The following PTPN3 variants were observed in gnomAD, a reference collection of about 807,000 sequenced individuals.
PTPN3 encodes the protein tyrosine-protein phosphatase non-receptor type 3.
A neutral mutation model predicts 132.7 loss-of-function variants in PTPN3; 96 were observed. That is an observed-to-expected ratio of 0.72 (90% CI 0.61 to 0.86). PTPN3 has a LOEUF of 0.86. Among genes scored for constraint, PTPN3 ranks in the 40% least tolerant of loss-of-function variants. The pLI is 0.00. For synonymous variants in PTPN3, 398 were observed against 429.0 expected, an observed-to-expected ratio of 0.93 and a Z score of 0.89; for missense variants, 1,125 against 1,159.6, an observed-to-expected ratio of 0.97 and a Z score of 0.43.
intron 1 of PTPN3, among the ~76,000 whole-genome samples, chr9:109,472,436 T>C (rs561633309): frequency 8.5e-4 from 130 of 152,374 alleles, no homozygotes; most frequent in African/African-American, 3.0e-3. Flanking sequence ...ATTTAATATT[T>C]TCTGTTTTCA....
chr9:109,381,608 G>C (rs1165239801), intron 25 of PTPN3, 44 bp downstream of exon 25: 1 of 1,608,022 alleles, frequency 6.2e-7, no homozygotes, highest in African/African-American at 1.3e-5. Flanking sequence ...TGGTGTAAGT[G>C]CTCAGAAAGT....
Position 109,389,228 on chromosome 9 carries a change from C to T in PTPN3, c.2253+5G>A. The T allele has an allele frequency of 2.5e-6, 4 of 1,613,922 alleles. No homozygotes were observed. Among genetic ancestry groups the T allele is most frequent in the Non-Finnish European group, 3.4e-6 (4 of 1,179,934 alleles). On this transcript the variant is annotated splice_donor_5th_base_variant and intron_variant, in intron 22 of 25. Transcript: ENST00000374541. ...CACATCTGAATTAGAAATCAAGCTACTTACCCGCCCTCGTTCTGTGAGAGT... is the reference window on the plus strand; with the variant it reads ...CACATCTGAATTAGAAATCAAGCTATTTACCCGCCCTCGTTCTGTGAGAGT...
chr9:109,411,953 T>C (rs1352556435), intron 14 of PTPN3, among the ~76,000 whole-genome samples: 2 of 152,188 alleles, frequency 1.3e-5, no homozygotes, highest in Admixed American at 1.3e-4. Flanking sequence ...TATTTTGGAA[T>C]TGAAGTTGTA....
intron 14 of PTPN3, among the ~76,000 whole-genome samples, chr9:109,416,922 G>GT (rs973264859): frequency 5.3e-5 from 8 of 152,168 alleles, no homozygotes; most frequent in Non-Finnish European, 1.0e-4. Flanking sequence ...CAACCAGAAA[G>GT]TTTTTCTAAT....
At chr9:109,503,554 C>A in the PTPN3 span, among the ~76,000 whole-genome samples, 1 of 151,866 alleles carries the variant, frequency 6.6e-6, no homozygotes, top group African/African-American at 2.4e-5. Flanking sequence ...AAAAAAAATA[C>A]AAAAATTAGC....
At chr9:109,431,478 T>C (rs968377450) in intron 10 of PTPN3, among the ~76,000 whole-genome samples, 6 of 152,196 alleles carry the variant, frequency 3.9e-5, no homozygotes, top group Non-Finnish European at 7.3e-5. Flanking sequence ...ATCTTAGTCC[T>C]GAGTGGGCCA....
the PTPN3 span, among the ~76,000 whole-genome samples, chr9:109,526,129 C>A: frequency 2.6e-5 from 4 of 151,964 alleles, no homozygotes; most frequent in African/African-American, 9.7e-5. Flanking sequence ...CAACAAAAGC[C>A]ACAAAATATT....
chr9:109,384,038 C>T (rs1839354240), intron 22 of PTPN3, among the ~76,000 whole-genome samples: 2 of 152,178 alleles, frequency 1.3e-5, no homozygotes, highest in African/African-American at 4.8e-5. Flanking sequence ...GGATCCTTTC[C>T]TCCTCCATTT....
rs138487090 is a variant in PTPN3 at position 109,445,158 on chromosome 9, C to A, written c.466+82G>T. On this transcript the variant is annotated intron_variant, in intron 7 of 25. Transcript: ENST00000374541. ...GATTCCTGGGGAAGAGGGACTTGGT[C>A]AAGCAGGAGGAACCAGTGACTTTCT... is the stretch of plus-strand genomic sequence containing the variant. The A allele has an allele frequency of 5.0e-3, 7,084 of 1,423,784 alleles. 27 individuals are homozygous for A. Among genetic ancestry groups the A allele is most frequent in the Non-Finnish European group, 6.5e-3 (6,575 of 1,011,228 alleles). The allele number at this position is 1,423,784 out of a possible 1,614,324, so 88.2% of individuals were successfully genotyped here.
chr9:109,534,839 G>C, the PTPN3 span, among the ~76,000 whole-genome samples: 692 of 135,366 alleles, frequency 5.1e-3, 4 homozygotes, highest in African/African-American at 0.018. Context: ...AACAAACAAA[G>C]TTAGTGTGCA....
At chr9:109,383,126 G>A (rs996926588) in intron 23 of PTPN3, among the ~76,000 whole-genome samples, 9 of 152,196 alleles carry the variant, frequency 5.9e-5, no homozygotes, top group Admixed American at 5.2e-4. Context: ...TGTTGTAGCA[G>A]GGGTCAGAAT....
Position 109,416,432 on chromosome 9 carries a change from GTTTTTTGT to G in PTPN3, c.1313+3984_1313+3991del, listed in dbSNP as rs1449778862. On this transcript the variant is annotated intron_variant, in intron 14 of 25. Coordinates refer to ENST00000374541, the MANE Select transcript of PTPN3 (RefSeq NM_002829.4). ...TCCTTCCAATGAACAGAAGTTTTTT[GTTTTTTGT>G]TTTTTTGTTTCTTTTTTTTTTTTTT... Among the ~76,000 whole-genome samples, 13 of 140,186 alleles carry G rather than the reference GTTTTTTGT, an allele frequency of 9.3e-5. No individual in the cohort carries two copies. The Middle Eastern group carries it at 0.01, about 112-fold the overall frequency. The allele number at this position is 140,186 out of a possible 152,430, so 92.0% of individuals were successfully genotyped here. A position where few individuals can be genotyped will look rare whatever the true frequency, so the allele number is the denominator to read the frequency against.
At chr9:109,492,095 A>G (rs1473710076) in intron 1 of PTPN3, among the ~76,000 whole-genome samples, 4 of 152,206 alleles carry the variant, frequency 2.6e-5, no homozygotes, top group Non-Finnish European at 5.9e-5. Context: ...TTTGATAACC[A>G]GAGCAGGGGA....
chr9:109,439,980 C>T (rs142287393), intron 7 of PTPN3, among the ~76,000 whole-genome samples: 1 of 143,854 alleles, frequency 7.0e-6, no homozygotes, highest in East Asian at 2.1e-4. Context: ...TAACTGCCCT[C>T]ACAACACAGG....
the PTPN3 span, among the ~76,000 whole-genome samples, chr9:109,512,715 T>C: frequency 6.6e-6 from 1 of 152,216 alleles, no homozygotes; most frequent in Non-Finnish European, 1.5e-5. Context: ...TATTCAGGGT[T>C]CTTTAGGAGG....
At chr9:109,521,960 CCTCT>C in the PTPN3 span, among the ~76,000 whole-genome samples, 19,469 of 145,004 alleles carry the variant, frequency 0.13, 1,462 homozygotes, top group Middle Eastern at 0.24. Flanking sequence ...AGAGAGGGTA[CCTCT>C]CCTTAGAGAG....
chr9:109,406,285 G>T (rs1226029232), intron 18 of PTPN3, among the ~76,000 whole-genome samples, 177 bp downstream of exon 18: 1 of 152,076 alleles, frequency 6.6e-6, no homozygotes, highest in Non-Finnish European at 1.5e-5. Flanking sequence ...GGCCTCCTGG[G>T]GGCAGATCTT....
At chr9:109,417,532 G>GTTTTTTTTTTTTTT (rs34687094) in intron 14 of PTPN3, 1 of 724,774 alleles carries the variant, frequency 1.4e-6, no homozygotes. Flanking sequence ...TAACCAACAG[G>GTTTTTTTTTTTTTT]TTTTTTTTTT....
chr9:109,413,171 G>C (rs1309335271), intron 14 of PTPN3, among the ~76,000 whole-genome samples: 1 of 151,434 alleles, frequency 6.6e-6, no homozygotes, highest in African/African-American at 2.4e-5. Context: ...AGTCAGGATG[G>C]TCTCGATCTC....
Sources: allele counts gnomAD v4.1 joint callset (sites outside exome capture counted in the v4.1 genomes callset), GRCh38; gene constraint gnomAD v4.1.1; transcripts MANE v1.5; gene names NCBI Gene and HGNC (gene_info 2026-07-23, HGNC 2026-07-21).